WFDC11: variants seen among roughly 807,000 people sequenced by gnomAD.
The protein encoded by WFDC11 is protein WFDC11.
A neutral mutation model predicts 9.9 loss-of-function variants in WFDC11; 9 were observed. That is an observed-to-expected ratio of 0.91 (90% CI 0.55 to 1.58). WFDC11 has a LOEUF of 1.58. Ranked by LOEUF, WFDC11 falls within the 40% of genes most tolerant of loss-of-function variation. The pLI is 0.00. For synonymous variants in WFDC11, 32 were observed against 33.3 expected (o/e 0.96, Z 0.13); for missense variants, 106 against 101.7 (o/e 1.04, Z -0.18).
chr20:45,650,745 C>T (rs1982789064), intron 2 of WFDC11, 94 bp from the exon 3 acceptor site: 2 of 667,382 alleles, frequency 3.0e-6, no homozygotes, highest in African/African-American at 1.8e-5. Context: ...TCACTATTCC[C>T]CCTAGGCCTC....
chr20:45,648,631 T>G lies in WFDC11; in HGVS notation c.*88A>C. On this transcript the variant is annotated 3_prime_UTR_variant, in exon 5 of 5. Transcript: ENST00000324384. Reference sequence around the variant, plus strand: ...GCTCTCAGTAAAAATAGACTGGTGTTCCTAAAAGTAGCCACAGGGTACTAC... The same window carrying G: ...GCTCTCAGTAAAAATAGACTGGTGTGCCTAAAAGTAGCCACAGGGTACTAC... The G allele has an allele frequency of 7.2e-7, 1 of 1,387,254 alleles. No homozygotes were observed. Among genetic ancestry groups the G allele is most frequent in the South Asian group, 1.2e-5 (1 of 83,578 alleles). 85.9% of individuals were successfully genotyped at this position (1,387,254 alleles called of 1,614,324 possible). A position where few individuals can be genotyped will look rare whatever the true frequency, so the allele number is the denominator to read the frequency against.
rs182598304 is a variant in WFDC11 at position 45,659,780 on chromosome 20, C to G, written c.-52+7308G>C. 1.3e-3 allele frequency among the ~76,000 whole-genome samples: 198 copies of G among 152,162 alleles called. 3 individuals are homozygous for G. Among genetic ancestry groups the G allele is most frequent in the Admixed American group, 9.7e-3 (148 of 15,262 alleles). On this transcript the variant is annotated intron_variant, in intron 2 of 4. Transcript: ENST00000324384. The stretch of plus-strand genomic sequence containing the variant: ...TGCTTTTGGTGTTTTAGTCATGAAG[C>G]CTTTGCTCATCCCTATGTCCTGAAT...
chr20:45,654,729 A>G (rs1982884914), intron 2 of WFDC11, among the ~76,000 whole-genome samples: 1 of 152,234 alleles, frequency 6.6e-6, no homozygotes, highest in East Asian at 1.9e-4. Flanking sequence ...AATAGATGCA[A>G]TAAAAAATGA....
chr20:45,663,430 G>A (rs553882510), intron 2 of WFDC11, among the ~76,000 whole-genome samples: 26 of 152,166 alleles, frequency 1.7e-4, no homozygotes, highest in African/African-American at 6.3e-4. Context: ...AACTCTTTCA[G>A]TTCTTCTCTG....
At chr20:45,650,676 GGA>G in intron 2 of WFDC11, 25 bp from the exon 3 acceptor site, 1 of 1,211,120 alleles carries the variant, frequency 8.3e-7, no homozygotes, top group East Asian at 2.3e-5. Context: ...ATATAAATAG[GGA>G]AAGAGAGGTG....
intron 2 of WFDC11, among the ~76,000 whole-genome samples, chr20:45,663,913 G>A (rs1482367800): frequency 6.6e-6 from 1 of 152,126 alleles, no homozygotes; most frequent in African/African-American, 2.4e-5. Context: ...TGATTTGGGT[G>A]GAGAGTTTTG....
At chr20:45,657,555 C>T (rs1282527157) in intron 2 of WFDC11, among the ~76,000 whole-genome samples, 1 of 152,054 alleles carries the variant, frequency 6.6e-6, no homozygotes, top group Non-Finnish European at 1.5e-5. Context: ...GCACGTTGTG[C>T]ACATGTACCC....
intron 3 of WFDC11, among the ~76,000 whole-genome samples, chr20:45,649,647 T>C (rs542435382): frequency 1.3e-5 from 2 of 152,318 alleles, no homozygotes; most frequent in East Asian, 3.9e-4. Flanking sequence ...TTTACCAGTG[T>C]TGCAGGCCTC....
chr20:45,652,641 G>A (rs1349896598), intron 2 of WFDC11, among the ~76,000 whole-genome samples: 1 of 152,100 alleles, frequency 6.6e-6, no homozygotes, highest in East Asian at 1.9e-4. Flanking sequence ...TGAGCTAAAG[G>A]AGGAAGTTCG....
chr20:45,657,671 T>A (rs2145619335), intron 2 of WFDC11, among the ~76,000 whole-genome samples: 1 of 152,348 alleles, frequency 6.6e-6, no homozygotes, highest in South Asian at 2.1e-4. Context: ...TACACTATTC[T>A]TCTGCACATG....
chr20:45,663,996 G>A (rs958218382), intron 2 of WFDC11, among the ~76,000 whole-genome samples: 12 of 152,094 alleles, frequency 7.9e-5, no homozygotes, highest in Non-Finnish European at 1.5e-4. Context: ...CCTCTGTCTC[G>A]TTGACCTGTC....
chr20:45,650,484 C>T lies in WFDC11; in HGVS notation c.100+17G>A, dbSNP rs1478187526. 6.2e-7 allele frequency: 1 copy of T among 1,608,556 alleles called. No homozygotes were observed. The highest frequency in any genetic ancestry group is 1.7e-5 in the Admixed American group (1 of 60,002). On this transcript the variant is annotated intron_variant, in intron 3 of 4. Coordinates refer to ENST00000324384, the MANE Select transcript of WFDC11 (RefSeq NM_147197.2). ...TCATCCCCCTCCTGTGGCCCCTAAT[C>T]CAGCCTCACCACCTACTGTCATATC...
At chr20:45,659,927 A>T (rs1487815367) in intron 2 of WFDC11, among the ~76,000 whole-genome samples, 5 of 152,202 alleles carry the variant, frequency 3.3e-5, no homozygotes, top group African/African-American at 1.2e-4. Context: ...AACCTCCTGC[A>T]TATGGCTGGC....
intron 2 of WFDC11, among the ~76,000 whole-genome samples, chr20:45,652,339 C>T (rs1375603891): frequency 6.6e-6 from 1 of 152,302 alleles, no homozygotes; most frequent in East Asian, 1.9e-4. Context: ...GAGTGGACCT[C>T]GAGCAAACTC....
Position 45,651,633 on chromosome 20 carries a change from C to A in WFDC11, c.-51-982G>T, listed in dbSNP as rs550037662. 1.4e-4 allele frequency among the ~76,000 whole-genome samples: 21 copies of A among 152,270 alleles called. No individual in the cohort carries two copies. The South Asian group carries it at 2.3e-3, about 17-fold the overall frequency. On this transcript the variant is annotated intron_variant, in intron 2 of 4. Coordinates refer to ENST00000324384, the MANE Select transcript of WFDC11 (RefSeq NM_147197.2). ...ACACCGAGCATGAGCCAAAGCAGGGCAAGGCATTGCCTCACCTGGGAAGTG... is the reference window on the plus strand; with the variant it reads ...ACACCGAGCATGAGCCAAAGCAGGGAAAGGCATTGCCTCACCTGGGAAGTG...
intron 3 of WFDC11, 27 bp from the exon 4 acceptor site, chr20:45,649,426 G>A (rs772187171): frequency 5.0e-6 from 8 of 1,610,980 alleles, no homozygotes; most frequent in Non-Finnish European, 5.9e-6. Flanking sequence ...ATGGTCAAAG[G>A]TTGATGGTAT....
chr20:45,661,071 AG>A (rs1193322169), intron 2 of WFDC11, among the ~76,000 whole-genome samples: 3 of 152,178 alleles, frequency 2.0e-5, no homozygotes, highest in African/African-American at 7.2e-5. Flanking sequence ...CATCCTCTCC[AG>A]CACCTATTGT....
chr20:45,661,919 A>G (rs1419818121), intron 2 of WFDC11, among the ~76,000 whole-genome samples: 2 of 152,164 alleles, frequency 1.3e-5, no homozygotes, highest in South Asian at 2.1e-4. Context: ...TTGGTTCCAT[A>G]TGAACTTTAA....
chr20:45,665,940 C>T (rs938929995), intron 2 of WFDC11, among the ~76,000 whole-genome samples: 1 of 152,158 alleles, frequency 6.6e-6, no homozygotes, highest in Non-Finnish European at 1.5e-5. Context: ...CTGGGAGAAC[C>T]ACTGCTCTCT....
Sources: gnomAD v4.1 joint callset for allele counts (sites outside exome capture counted in the v4.1 genomes callset) on GRCh38, gnomAD v4.1.1 for gene constraint, MANE v1.5 for transcripts, NCBI Gene and HGNC (gene_info 2026-07-23, HGNC 2026-07-21) for gene names.